Variants in CDH11 observed in about 807,000 individuals in gnomAD.
CDH11 encodes the protein cadherin-11.
CDH11 carries 11 observed loss-of-function variants against 67.8 expected under a neutral mutation model. That is an observed-to-expected ratio of 0.16 (90% CI 0.10 to 0.27). The LOEUF is 0.27. Ranked by LOEUF, CDH11 falls within the 10% of genes least tolerant of loss-of-function variation. The pLI, the probability that CDH11 is intolerant of heterozygous loss-of-function variation, is 1.00. For missense variants in CDH11, 847 were observed against 1,031.2 expected (o/e 0.82, Z 2.45); for synonymous variants, 419 against 400.0 (o/e 1.05, Z -0.57).
chr16:64,968,365 A>C, intron 11 of CDH11: 1 of 931,082 alleles, frequency 1.1e-6, no homozygotes, highest in Non-Finnish European at 1.3e-6. Context: ...CACTTTTCTC[A>C]TCCATTACAT....
chr16:65,094,472 T>TTA (rs1326473313), intron 1 of CDH11: 1 of 151,734 alleles, frequency 6.6e-6, no homozygotes, highest in African/African-American at 2.4e-5. Flanking sequence ...AGATATGTAT[T>TTA]TATATATAAA....
chr16:64,958,866 A>T (rs1336782201), intron 11 of CDH11, among the ~76,000 whole-genome samples: 2 of 152,170 alleles, frequency 1.3e-5, no homozygotes, highest in Non-Finnish European at 2.9e-5. Context: ...ACCCACAAAC[A>T]ATCAGGGGTA....
intron 8 of CDH11, among the ~76,000 whole-genome samples, chr16:64,975,081 G>T (rs185498764): frequency 1.4e-3 from 215 of 152,246 alleles, no homozygotes; most frequent in African/African-American, 4.9e-3. Context: ...CTCCTGGGTA[G>T]CTGGGATTGT....
At chr16:65,022,352 T>C (rs2073445393) in intron 2 of CDH11, among the ~76,000 whole-genome samples, 1 of 152,162 alleles carries the variant, frequency 6.6e-6, no homozygotes, top group South Asian at 2.1e-4. Context: ...TTATAAAAGA[T>C]AGGTGGATCC....
chr16:65,069,765 T>C (rs947611967), intron 1 of CDH11, among the ~76,000 whole-genome samples: 3 of 152,144 alleles, frequency 2.0e-5, no homozygotes, highest in African/African-American at 7.2e-5. Context: ...GGTAAGCAAC[T>C]ACCAATCCCA....
intron 1 of CDH11, among the ~76,000 whole-genome samples, chr16:65,076,229 C>T (rs2142783850): frequency 6.6e-6 from 1 of 152,324 alleles, no homozygotes; most frequent in African/African-American, 2.4e-5. Flanking sequence ...AGTCAATTTT[C>T]TTTGATTTAT....
chr16:65,013,817 A>G (rs561262446), intron 2 of CDH11, among the ~76,000 whole-genome samples: 1 of 151,012 alleles, frequency 6.6e-6, no homozygotes, highest in South Asian at 2.1e-4. Context: ...ACAGAGCAAG[A>G]CTCCATCTCA....
At position 64,945,940 on chromosome 16, in the gene CDH11, G is replaced by A. The variant is rs1257501273; in HGVS notation, c.*1663C>T. On this transcript the variant is annotated 3_prime_UTR_variant, in exon 13 of 13. Coordinates refer to ENST00000268603, the MANE Select transcript of CDH11 (RefSeq NM_001797.4). ...AAGCACTTGCAGTGTGACTTTATGT[G>A]GTCTTTCCCCAAGTATTGCTACGTT... is the stretch of plus-strand genomic sequence containing the variant. 1 of 1,058,504 alleles carries A rather than the reference G, an allele frequency of 9.4e-7. No individual in the cohort carries two copies. The highest frequency in any genetic ancestry group is 1.1e-6 in the Non-Finnish European group (1 of 875,190). 65.6% of individuals were successfully genotyped at this position (1,058,504 alleles called of 1,614,324 possible). A position where few individuals can be genotyped will look rare whatever the true frequency, so the allele number is the denominator to read the frequency against.
intron 1 of CDH11, among the ~76,000 whole-genome samples, chr16:65,092,696 A>C (rs373528897): frequency 6.6e-6 from 1 of 152,074 alleles, no homozygotes; most frequent in African/African-American, 2.4e-5. Flanking sequence ...ACTCAGCTCA[A>C]ATCACAGGTT....
Position 64,982,637 on chromosome 16 carries a change from T to G in CDH11, c.1000-336A>C, listed in dbSNP as rs531104785. ...GAATTAAAACATTGCAAAAATACATTTGGTACCTCATTCTGAAAACTAAGA... is the reference window on the plus strand; with the variant it reads ...GAATTAAAACATTGCAAAAATACATGTGGTACCTCATTCTGAAAACTAAGA... On this transcript the variant is annotated intron_variant, in intron 7 of 12. Coordinates refer to ENST00000268603, the MANE Select transcript of CDH11 (RefSeq NM_001797.4). 19 of 195,070 alleles carry G rather than the reference T, an allele frequency of 9.7e-5. No homozygotes were observed. The South Asian group carries it at 2.7e-3, about 28-fold the overall frequency. The allele number at this position is 195,070 out of a possible 1,614,324, so 12.1% of individuals were successfully genotyped here. A position where few individuals can be genotyped will look rare whatever the true frequency, so the allele number is the denominator to read the frequency against.
At chr16:64,999,024 C>G (rs2072846938) in intron 3 of CDH11, among the ~76,000 whole-genome samples, 168 bp from the exon 4 acceptor site, 2 of 152,102 alleles carry the variant, frequency 1.3e-5, no homozygotes, top group South Asian at 4.1e-4. Context: ...AATATCATAG[C>G]CTTGGCCAAG....
chr16:65,075,269 T>C (rs1179020830), intron 1 of CDH11, among the ~76,000 whole-genome samples: 5 of 152,230 alleles, frequency 3.3e-5, no homozygotes, highest in Admixed American at 2.6e-4. Context: ...AAGCTTCTTG[T>C]CTCTGAAAGA....
rs77427906 is a variant in CDH11, at chr16:64,990,318, G to T, written c.811+1450C>A. 2.4e-3 allele frequency among the ~76,000 whole-genome samples: 371 copies of T among 152,272 alleles called. 1 individual carries two copies. Among genetic ancestry groups the T allele is most frequent in the African/African-American group, 8.5e-3 (355 of 41,554 alleles). On this transcript the variant is annotated intron_variant, in intron 6 of 12. Transcript: ENST00000268603. ...ATTGAGGATGCTGAACTTGTGCCCG[G>T]CCAGGCAAAAGAGTCTTGTGTAGAT...
chr16:64,959,646 A>G (rs966612440), intron 11 of CDH11, among the ~76,000 whole-genome samples: 5 of 152,196 alleles, frequency 3.3e-5, no homozygotes, highest in African/African-American at 1.2e-4. Flanking sequence ...AAACATGATT[A>G]TTTACACAAG....
chr16:64,987,816 G>C (rs1440033805), intron 7 of CDH11: 1 of 191,066 alleles, frequency 5.2e-6, no homozygotes, highest in Admixed American at 6.1e-5. Flanking sequence ...AGAGCTAAGG[G>C]GGGAATTCCA....
chr16:65,019,712 G>A (rs888720073), intron 2 of CDH11, among the ~76,000 whole-genome samples: 3 of 152,002 alleles, frequency 2.0e-5, no homozygotes, highest in African/African-American at 7.2e-5. Flanking sequence ...TTTTGTATCA[G>A]TGTGCTTTTA....
intron 1 of CDH11, among the ~76,000 whole-genome samples, chr16:65,100,754 G>C (rs1334275475): frequency 7.1e-6 from 1 of 141,660 alleles, no homozygotes; most frequent in Non-Finnish European, 1.6e-5. Flanking sequence ...AAAAAAAAAA[G>C]AAAGAAAGAA....
chr16:64,991,884 T>A lies in CDH11; in HGVS notation c.695A>T (p.Tyr232Phe). 6.2e-7 allele frequency: 1 copy of A among 1,613,586 alleles called. No homozygotes were observed. The highest frequency in any genetic ancestry group is 8.5e-7 in the Non-Finnish European group (1 of 1,179,532). ...PNMDREAKEE[Y>F]HVVIQAKDMG... ...GTCCTTGGCCTGGATCACCACGTGG[T>A]ACTCCTCCTTGGCCTCCCTGTCCAT... The change falls in exon 6 of 13, where the codon TAC becomes TTC. Residue 232 changes from tyrosine to phenylalanine, a missense_variant. Physicochemically the swap from Tyr to Phe is conservative, Grantham distance 22. Around this residue, in one of 2 missense-constraint regions of CDH11, gnomAD observed 235 missense variants for 352.5 expected, o/e 0.67. Transcript: ENST00000268603.
chr16:65,062,960 C>T (rs1597148643), intron 1 of CDH11, among the ~76,000 whole-genome samples: 2 of 152,342 alleles, frequency 1.3e-5, no homozygotes, highest in East Asian at 3.9e-4. Flanking sequence ...ATCCTCATCA[C>T]ACCTCATTAA....
Sources: gnomAD v4.1 joint callset for allele counts (sites outside exome capture counted in the v4.1 genomes callset) on GRCh38, gnomAD v4.1.1 for gene constraint, gnomAD v4.1.1 regional missense constraint, MANE v1.5 for transcripts, NCBI Gene and HGNC (gene_info 2026-07-23, HGNC 2026-07-21) for gene names.